The following NBAS variants were observed in gnomAD, a reference collection of about 807,000 sequenced individuals.
NBAS encodes the protein NAG/BC035112 fusion.
Under a neutral mutation model 302.5 loss-of-function variants are expected in NBAS, and 219 were observed. That is an observed-to-expected ratio of 0.72 (90% confidence interval 0.65 to 0.81). The LOEUF (loss-of-function observed/expected upper bound fraction) is 0.81. Ranked by LOEUF, NBAS falls within the 30% of genes least tolerant of loss-of-function variation. The pLI is 0.00. For missense variants in NBAS, 2,932 were observed against 2,841.6 expected, an observed-to-expected ratio of 1.03 and a Z score of -0.72; for synonymous variants, 1,118 against 1,021.6, an observed-to-expected ratio of 1.09 and a Z score of -1.80.
chr2:14,942,607 G>C, the NBAS span, among the ~76,000 whole-genome samples: 1 of 152,086 alleles, frequency 6.6e-6, no homozygotes, highest in African/African-American at 2.4e-5. Flanking sequence ...CCCAATTGCA[G>C]GTATTCCTTT....
chr2:14,814,899 T>A, the NBAS span, among the ~76,000 whole-genome samples: 1 of 151,932 alleles, frequency 6.6e-6, no homozygotes, highest in Non-Finnish European at 1.5e-5. Context: ...ATGGAAGTGG[T>A]TTCTAACTGT....
chr2:15,132,940 T>C, the NBAS span, among the ~76,000 whole-genome samples: 4 of 152,088 alleles, frequency 2.6e-5, no homozygotes, highest in Admixed American at 2.0e-4. Flanking sequence ...ATTTTTAAAT[T>C]ACACTCTATT....
At chr2:15,361,980 CAA>C (rs796485418) in intron 32 of NBAS, among the ~76,000 whole-genome samples, 3 of 114,862 alleles carry the variant, frequency 2.6e-5, no homozygotes, top group Non-Finnish European at 3.8e-5. Flanking sequence ...AACTCCATCT[CAA>C]AAAAAAAAAA....
At chr2:15,165,188 G>A (rs1024295002), downstream of NBAS, among the ~76,000 whole-genome samples, 1 of 152,230 alleles carries the variant, frequency 6.6e-6, no homozygotes, top group Non-Finnish European at 1.5e-5. Flanking sequence ...AATGATGCAG[G>A]CTAGCTGCAA....
chr2:15,389,019 C>T (rs940368155), intron 28 of NBAS, among the ~76,000 whole-genome samples: 14 of 152,140 alleles, frequency 9.2e-5, no homozygotes, highest in Admixed American at 3.3e-4. Context: ...GTTCTCACTG[C>T]TGTGAGCTTT....
At chr2:14,936,482 G>A in the NBAS span, among the ~76,000 whole-genome samples, 1 of 152,224 alleles carries the variant, frequency 6.6e-6, no homozygotes, top group Non-Finnish European at 1.5e-5. Context: ...GAACAAAGAA[G>A]GATTTGGCTT....
intron 45 of NBAS, among the ~76,000 whole-genome samples, chr2:15,235,572 C>T (rs1019575713): frequency 2.6e-5 from 4 of 152,086 alleles, no homozygotes; most frequent in African/African-American, 9.7e-5. Context: ...CTGAATATAA[C>T]TGAATATTTG....
intron 48 of NBAS, among the ~76,000 whole-genome samples, chr2:15,207,984 A>G (rs1666225177): frequency 6.6e-6 from 1 of 152,180 alleles, no homozygotes; most frequent in African/African-American, 2.4e-5. Flanking sequence ...GCAAGAGGAT[A>G]TAACAGTTGT....
At chr2:15,489,687 T>C (rs1387909786) in intron 11 of NBAS, among the ~76,000 whole-genome samples, 3 of 152,220 alleles carry the variant, frequency 2.0e-5, no homozygotes, top group Admixed American at 2.0e-4. Flanking sequence ...AACCGAAAGG[T>C]ACACAGAGGA....
chr2:15,028,621 A>ATC, the NBAS span, among the ~76,000 whole-genome samples: 1 of 152,162 alleles, frequency 6.6e-6, no homozygotes, highest in African/African-American at 2.4e-5. Flanking sequence ...CTCTGATGTC[A>ATC]TCTTGCTCTC....
At chr2:14,897,876 C>T in the NBAS span, among the ~76,000 whole-genome samples, 4 of 152,140 alleles carry the variant, frequency 2.6e-5, no homozygotes, top group Non-Finnish European at 2.9e-5. Context: ...AAGAGGGACA[C>T]GGTTGGCTCC....
At chr2:15,409,661 CAT>C (rs1676587638) in intron 25 of NBAS, among the ~76,000 whole-genome samples, 1 of 152,056 alleles carries the variant, frequency 6.6e-6, no homozygotes, top group African/African-American at 2.4e-5. Flanking sequence ...CTTCCTATCT[CAT>C]GTCTTTATTT....
chr2:15,330,152 C>T (rs1169518770), intron 36 of NBAS, among the ~76,000 whole-genome samples: 1 of 152,122 alleles, frequency 6.6e-6, no homozygotes, highest in Admixed American at 6.5e-5. Flanking sequence ...TAAAGGACTG[C>T]AGTATGAGAA....
the NBAS span, among the ~76,000 whole-genome samples, chr2:14,785,110 G>A: frequency 5.9e-5 from 9 of 152,038 alleles, no homozygotes; most frequent in Middle Eastern, 3.2e-3. Flanking sequence ...TCTTGATTTG[G>A]CTCTCTGTTT....
intron 21 of NBAS, among the ~76,000 whole-genome samples, chr2:15,435,834 C>T (rs1558335181): frequency 6.6e-6 from 1 of 152,118 alleles, no homozygotes; most frequent in Non-Finnish European, 1.5e-5. Context: ...AAGTTCTTAT[C>T]TATTGTTAAT....
chr2:14,846,545 G>GTAGC, the NBAS span, among the ~76,000 whole-genome samples: 32,300 of 151,386 alleles, frequency 0.21, 5,599 homozygotes, highest in African/African-American at 0.48. Context: ...TGATAAAACT[G>GTAGC]TAGCTGTGGT....
At chr2:15,132,088 T>C in the NBAS span, among the ~76,000 whole-genome samples, 2 of 152,216 alleles carry the variant, frequency 1.3e-5, no homozygotes, top group Non-Finnish European at 2.9e-5. Flanking sequence ...TTTACCCAAA[T>C]GAGTTGAAAA....
chr2:14,825,715 C>T, the NBAS span, among the ~76,000 whole-genome samples: 2 of 152,264 alleles, frequency 1.3e-5, no homozygotes, highest in Non-Finnish European at 2.9e-5. Flanking sequence ...AATTCAAACT[C>T]TCCAAGAAAT....
the NBAS span, among the ~76,000 whole-genome samples, chr2:15,027,716 T>G: frequency 6.6e-6 from 1 of 152,226 alleles, no homozygotes. Context: ...CTAATTTTAA[T>G]GAATTTTTTT....
Sources: allele counts gnomAD v4.1 joint callset (sites outside exome capture counted in the v4.1 genomes callset), GRCh38; gene constraint gnomAD v4.1.1; transcripts MANE v1.5; gene names NCBI Gene and HGNC (gene_info 2026-07-23, HGNC 2026-07-21).